Variants in KLHL3 observed in about 807,000 individuals in gnomAD.
The protein encoded by KLHL3 is kelch like family member 3.
Under a neutral mutation model 70.5 loss-of-function variants are expected in KLHL3, and 19 were observed. The observed-to-expected ratio is 0.27, with a 90% CI of 0.19 to 0.40. The LOEUF (loss-of-function observed/expected upper bound fraction) is 0.40, where lower values mean the gene tolerates loss of function less well. Ranked by LOEUF, KLHL3 falls within the 10% of genes least tolerant of loss-of-function variation. The pLI, the probability that KLHL3 is intolerant of heterozygous loss-of-function variation, is 1.00. For missense variants in KLHL3, 512 were observed against 771.1 expected (o/e 0.66, Z 3.98); for synonymous variants, 258 against 290.3 (o/e 0.89, Z 1.13).
At chr5:137,681,623 G>A (rs1222250410) in intron 5 of KLHL3, among the ~76,000 whole-genome samples, 1 of 152,166 alleles carries the variant, frequency 6.6e-6, no homozygotes, top group Non-Finnish European at 1.5e-5. Context: ...GGGGAGGGAT[G>A]CATGTGCCGG....
Position 137,677,598 on chromosome 5 carries a change from G to T in KLHL3, c.583C>A (p.Gln195Lys). 1 of 1,610,774 alleles carries T rather than the reference G, an allele frequency of 6.2e-7. No individual in the cohort carries two copies. The highest frequency in any genetic ancestry group is 8.5e-7 in the Non-Finnish European group (1 of 1,178,500). ...TCGCTGGATATCAAGCTGCACACCT[G>T]GTCCAGACTCAGGCTAAGAAATTCT... Reference protein sequence around the residue: ...GEEFLSLSLDQVCSLISSDKL... With the variant: ...GEEFLSLSLDKVCSLISSDKL... Residue 195 changes from glutamine to lysine, a missense_variant, in exon 6 of 15, where the codon CAG becomes AAG. Gln to Lys is a moderately conservative substitution (Grantham distance 53). Coordinates refer to ENST00000309755, the MANE Select transcript of KLHL3 (RefSeq NM_017415.3).
At chr5:137,660,519 G>A (rs1412607540) in intron 7 of KLHL3, among the ~76,000 whole-genome samples, 1 of 152,164 alleles carries the variant, frequency 6.6e-6, no homozygotes, top group Admixed American at 6.5e-5. Context: ...CTGCCACCAG[G>A]TGGCAGTGGT....
intron 6 of KLHL3, among the ~76,000 whole-genome samples, chr5:137,667,413 C>T (rs1751639747): frequency 6.6e-6 from 1 of 152,188 alleles, no homozygotes; most frequent in South Asian, 2.1e-4. Flanking sequence ...AGCCCCATTT[C>T]CTCACTGATT....
intron 6 of KLHL3, among the ~76,000 whole-genome samples, chr5:137,663,056 C>CTTTT (rs139890036): frequency 2.1e-3 from 166 of 77,814 alleles, no homozygotes; most frequent in Middle Eastern, 0.01. Context: ...AGCACTCGTT[C>CTTTT]TTTTTTTTTT....
chr5:137,667,999 C>CTGTACAAG (rs56106342), intron 6 of KLHL3, among the ~76,000 whole-genome samples: 30,380 of 152,004 alleles, frequency 0.2, 3,177 homozygotes, highest in Non-Finnish European at 0.24. Flanking sequence ...GGTTAGCAAG[C>CTGTACAAG]TGTACAAGGT....
chr5:137,644,815 T>G (rs1217332425), intron 8 of KLHL3, among the ~76,000 whole-genome samples: 1 of 152,210 alleles, frequency 6.6e-6, no homozygotes, highest in African/African-American at 2.4e-5. Context: ...ATTTATTCTT[T>G]GAAGCCAGGA....
chr5:137,730,693 G>A (rs1043514008), intron 1 of KLHL3, among the ~76,000 whole-genome samples: 2 of 152,176 alleles, frequency 1.3e-5, no homozygotes, highest in African/African-American at 4.8e-5. Context: ...TAGACAAGAA[G>A]AGAGAAAGAC....
At chr5:137,729,128 A>G (rs940138239) in intron 1 of KLHL3, among the ~76,000 whole-genome samples, 21 of 152,116 alleles carry the variant, frequency 1.4e-4, no homozygotes, top group African/African-American at 5.1e-4. Context: ...AAGAGATGCA[A>G]ATAAAATTCA....
At chr5:137,643,232 G>A (rs971490639) in intron 8 of KLHL3, among the ~76,000 whole-genome samples, 7 of 151,784 alleles carry the variant, frequency 4.6e-5, no homozygotes, top group African/African-American at 7.3e-5. Context: ...AATGCCTGTA[G>A]TCCCAGCTAC....
At chr5:137,666,654 T>C (rs1397621050) in intron 6 of KLHL3, among the ~76,000 whole-genome samples, 1 of 152,226 alleles carries the variant, frequency 6.6e-6, no homozygotes, top group East Asian at 1.9e-4. Context: ...CTAGTTCCAC[T>C]TAGTCACACT....
At chr5:137,704,873 T>C (rs1752654785) in intron 3 of KLHL3, among the ~76,000 whole-genome samples, 1 of 152,326 alleles carries the variant, frequency 6.6e-6, no homozygotes, top group South Asian at 2.1e-4. Flanking sequence ...GACTTTATTG[T>C]GGTATGATAG....
At chr5:137,640,692 G>A (rs1213909317) in intron 8 of KLHL3, among the ~76,000 whole-genome samples, 1 of 151,764 alleles carries the variant, frequency 6.6e-6, no homozygotes, top group Non-Finnish European at 1.5e-5. Flanking sequence ...TGTAGGCAGA[G>A]ACTGAAACCC....
At chr5:137,688,677 C>T (rs557984014) in intron 5 of KLHL3, among the ~76,000 whole-genome samples, 4 of 152,204 alleles carry the variant, frequency 2.6e-5, no homozygotes, top group Non-Finnish European at 4.4e-5. Context: ...GAGTCAGCAC[C>T]GTCTGGGCTT....
intron 13 of KLHL3, 141 bp downstream of exon 13, chr5:137,628,156 C>T: frequency 1.9e-6 from 2 of 1,036,264 alleles, no homozygotes; most frequent in Non-Finnish European, 2.8e-6. Context: ...ATCAAGAGCC[C>T]ACCTGGCAAA....
At chr5:137,648,663 A>G (rs1561590151) in intron 8 of KLHL3, among the ~76,000 whole-genome samples, 1 of 152,188 alleles carries the variant, frequency 6.6e-6, no homozygotes, top group African/African-American at 2.4e-5. Context: ...CTGTGCATAT[A>G]TGGCTCAGGA....
At chr5:137,648,905 GTCCAATTATC>G (rs1366700855) in intron 8 of KLHL3, among the ~76,000 whole-genome samples, 1 of 152,164 alleles carries the variant, frequency 6.6e-6, no homozygotes, top group African/African-American at 2.4e-5. Context: ...TCTCCAACTA[GTCCAATTATC>G]TCCTGATTTT....
intron 5 of KLHL3, among the ~76,000 whole-genome samples, chr5:137,682,793 G>A (rs1417706260): frequency 2.0e-5 from 3 of 152,114 alleles, no homozygotes; most frequent in Non-Finnish European, 2.9e-5. Flanking sequence ...TGTATATACC[G>A]AGCTCTAAAA....
At chr5:137,637,100 C>T (rs757365297) in intron 11 of KLHL3, among the ~76,000 whole-genome samples, 194 bp downstream of exon 11, 4 of 152,196 alleles carry the variant, frequency 2.6e-5, no homozygotes, top group Non-Finnish European at 5.9e-5. Flanking sequence ...ATTTAGCAGC[C>T]TTGGGCCAGG....
chr5:137,706,775 G>T (rs2149927668), intron 3 of KLHL3, among the ~76,000 whole-genome samples: 1 of 152,266 alleles, frequency 6.6e-6, no homozygotes, highest in Non-Finnish European at 1.5e-5. Flanking sequence ...ATTATATATT[G>T]CTAAGCTCAA....
Sources: gnomAD v4.1 joint callset for allele counts (sites outside exome capture counted in the v4.1 genomes callset) on GRCh38, gnomAD v4.1.1 for gene constraint, MANE v1.5 for transcripts, NCBI Gene and HGNC (gene_info 2026-07-23, HGNC 2026-07-21) for gene names.